USP9Y: variants seen among roughly 807,000 people sequenced by gnomAD.
The protein encoded by USP9Y is ubiquitin specific peptidase 9 Y-linked, also known as ubiquitin carboxyl-terminal hydrolase 9Y.
USP9Y carries 41 observed loss-of-function variants against 53.1 expected under a neutral mutation model. That is an observed-to-expected ratio of 0.77 (90% CI 0.60 to 1.00). The LOEUF is 1.00. Ranked by LOEUF, USP9Y falls within the 50% of genes least tolerant of loss-of-function variation. The pLI is 0.00. For synonymous variants in USP9Y, 220 were observed against 173.7 expected, an observed-to-expected ratio of 1.27 and a Z score of -2.09; for missense variants, 567 against 535.8, an observed-to-expected ratio of 1.06 and a Z score of -0.58.
intron 3 of USP9Y, among the ~76,000 whole-genome samples, chrY:12,712,808 A>G (rs2053426177): frequency 3.1e-5 from 1 of 32,534 alleles, no homozygotes; most frequent in African/African-American, 1.2e-4. Context: ...CTTATTAATC[A>G]TAGGCTTTTA....
chrY:12,752,523 G>A, intron 12 of USP9Y, among the ~76,000 whole-genome samples: 2 of 32,266 alleles, frequency 6.2e-5, no homozygotes, highest in African/African-American at 2.4e-4. Flanking sequence ...ACCCCTGCAC[G>A]TAGGAAGAAT....
chrY:12,782,503 G>A (rs1603199900), intron 22 of USP9Y, among the ~76,000 whole-genome samples: 1 of 33,512 alleles, frequency 3.0e-5, no homozygotes, highest in South Asian at 6.6e-4. Context: ...CTTTTTTTCT[G>A]CATAGTAGGT....
chrY:12,778,477 C>T, intron 20 of USP9Y, 129 bp from the exon 21 acceptor site: 3 of 229,237 alleles, frequency 1.3e-5, no homozygotes, highest in Non-Finnish European at 2.1e-5. Flanking sequence ...TTATGTTAGA[C>T]AGTAATTTTT....
chrY:12,791,665 C>T, intron 26 of USP9Y, 41 bp downstream of exon 26: 1 of 341,067 alleles, frequency 2.9e-6, no homozygotes, highest in South Asian at 3.4e-5. Context: ...GAAAATGTTG[C>T]TTCATTGTAC....
At chrY:12,741,513 T>G (rs2053457063) in intron 12 of USP9Y, among the ~76,000 whole-genome samples, 1 of 33,536 alleles carries the variant, frequency 3.0e-5, no homozygotes, top group African/African-American at 1.2e-4. Context: ...AGTAAGCCTT[T>G]GTCTTCTGAG....
chrY:12,741,328 A>G, intron 12 of USP9Y, among the ~76,000 whole-genome samples: 1 of 33,790 alleles, frequency 3.0e-5, no homozygotes, highest in Non-Finnish European at 7.4e-5. Context: ...CTTACACAGC[A>G]TGCCAGTGTG....
At chrY:12,839,463 G>A in intron 35 of USP9Y, among the ~76,000 whole-genome samples, 1 of 33,182 alleles carries the variant, frequency 3.0e-5, no homozygotes, top group African/African-American at 1.2e-4. Context: ...AGCCATTACA[G>A]TGTAATAACC....
At chrY:12,748,937 C>CA (rs2053462303) in intron 12 of USP9Y, among the ~76,000 whole-genome samples, 1 of 33,700 alleles carries the variant, frequency 3.0e-5, no homozygotes, top group African/African-American at 1.2e-4. Context: ...TCATCCTTTC[C>CA]AAAAATGCTG....
At chrY:12,857,151 C>T in intron 44 of USP9Y, 1 of 74,717 alleles carries the variant, frequency 1.3e-5, no homozygotes, top group Admixed American at 2.0e-4. Context: ...CCCTATTGCC[C>T]AGGCTGCTGC....
At chrY:12,809,912 G>A in intron 27 of USP9Y, among the ~76,000 whole-genome samples, 1 of 33,126 alleles carries the variant, frequency 3.0e-5, no homozygotes. Context: ...CTGATTCACA[G>A]TAAATATTAG....
At chrY:12,719,045 G>A in intron 3 of USP9Y, among the ~76,000 whole-genome samples, 1 of 33,454 alleles carries the variant, frequency 3.0e-5, no homozygotes, top group Admixed American at 2.7e-4. Context: ...ATGGTTCTGA[G>A]TACAGAAACT....
chrY:12,855,341 A>G (rs754465115), intron 42 of USP9Y, among the ~76,000 whole-genome samples: 3 of 32,839 alleles, frequency 9.1e-5, no homozygotes, highest in African/African-American at 3.6e-4. Flanking sequence ...CCTCCCAAGT[A>G]GCTGGGATTA....
chrY:12,779,449 G>T, intron 21 of USP9Y, 77 bp from the exon 22 acceptor site: 1 of 320,596 alleles, frequency 3.1e-6, no homozygotes, highest in East Asian at 9.6e-5. Flanking sequence ...AGGATAGAGA[G>T]TGGATAAATT....
intron 24 of USP9Y, among the ~76,000 whole-genome samples, 153 bp downstream of exon 24, chrY:12,786,953 A>AT (rs2053503105): frequency 6.0e-5 from 2 of 33,353 alleles, no homozygotes; most frequent in Admixed American, 5.5e-4. Flanking sequence ...TATCTTAGGG[A>AT]TTTTTTTGAT....
chrY:12,799,356 GGCC>G (rs2053516499), intron 27 of USP9Y, among the ~76,000 whole-genome samples: 1 of 33,396 alleles, frequency 3.0e-5, no homozygotes, highest in African/African-American at 1.2e-4. Context: ...CGACTTTACA[GGCC>G]GCCATTTGTT....
chrY:12,839,779 G>A (rs1054502591), intron 35 of USP9Y, 85 bp from the exon 36 acceptor site: 5 of 289,140 alleles, frequency 1.7e-5, no homozygotes, highest in Non-Finnish European at 2.6e-5. Context: ...TAAATAGACT[G>A]TAAACTTTAA....
chrY:12,737,625 A>G (rs540357763), intron 10 of USP9Y, among the ~76,000 whole-genome samples: 18 of 33,666 alleles, frequency 5.3e-4, no homozygotes, highest in African/African-American at 2.1e-3. Context: ...CAGTATATTC[A>G]CTAGTCCTTG....
chrY:12,732,975 G>A (rs2053448222), intron 7 of USP9Y, among the ~76,000 whole-genome samples: 1 of 31,642 alleles, frequency 3.2e-5, no homozygotes, highest in Non-Finnish European at 7.6e-5. Flanking sequence ...GCAGTGGTGC[G>A]ATCTTGGCTG....
chrY:12,716,381 G>A (rs1038357091), intron 3 of USP9Y, among the ~76,000 whole-genome samples: 25 of 33,440 alleles, frequency 7.5e-4, no homozygotes, highest in Non-Finnish European at 1.1e-3. Context: ...TCTTTAAGGT[G>A]CAAATTTGGT....
Sources: allele counts gnomAD v4.1 joint callset (sites outside exome capture counted in the v4.1 genomes callset), GRCh38; gene constraint gnomAD v4.1.1; transcripts MANE v1.5; gene names NCBI Gene and HGNC (gene_info 2026-07-23, HGNC 2026-07-21).